Variants in DMD observed in about 807,000 individuals in gnomAD.
DMD encodes mutant dystrophin.
A neutral mutation model predicts 330.1 loss-of-function variants in DMD; 63 were observed. The observed-to-expected ratio is 0.19, with a 90% CI of 0.16 to 0.24. DMD has a LOEUF of 0.24. Ranked by LOEUF, DMD falls within the 10% of genes least tolerant of loss-of-function variation. The pLI is 1.00. For synonymous variants in DMD, 1,223 were observed against 959.8 expected, an observed-to-expected ratio of 1.27 and a Z score of -5.07; for missense variants, 3,344 against 2,684.1, an observed-to-expected ratio of 1.25 and a Z score of -5.43.
chrX:32,404,710 C>G (rs759168457), intron 30 of DMD, among the ~76,000 whole-genome samples: 23 of 111,451 alleles, frequency 2.1e-4, no homozygotes, highest in Admixed American at 4.8e-4. Context: ...GTGAAAGTAT[C>G]TTTGTAATTT....
intron 44 of DMD, among the ~76,000 whole-genome samples, chrX:32,148,874 G>A (rs2096791062): frequency 9.0e-6 from 1 of 111,488 alleles, no homozygotes; most frequent in African/African-American, 3.3e-5. Flanking sequence ...GCAATTTGAC[G>A]AATATAAATT....
chrX:31,139,025 T>A (rs143532354), intron 76 of DMD, among the ~76,000 whole-genome samples: 418 of 112,394 alleles, frequency 3.7e-3, no homozygotes, highest in Non-Finnish European at 5.6e-3. Flanking sequence ...GCACAGCCCT[T>A]ATCCCTACTT....
intron 48 of DMD, among the ~76,000 whole-genome samples, chrX:31,854,564 G>A (rs955831662): frequency 1.8e-5 from 2 of 111,401 alleles, no homozygotes; most frequent in Admixed American, 9.6e-5. Context: ...CTAGAGTCAC[G>A]AAAGGTCAGA....
At chrX:31,314,995 G>C (rs1423767637) in intron 62 of DMD, among the ~76,000 whole-genome samples, 1 of 110,857 alleles carries the variant, frequency 9.0e-6, no homozygotes, top group Non-Finnish European at 1.9e-5. Context: ...GGCAGTTCAG[G>C]GTTATTAAGT....
At position 31,134,085 on chromosome X, in the gene DMD, T is replaced by TA. The variant is rs1489629279; in HGVS notation, c.11014+16dup. 4 of 1,193,423 alleles carry TA rather than the reference T, an allele frequency of 3.4e-6. No homozygotes were observed. The highest frequency in any genetic ancestry group is 4.5e-6 in the Non-Finnish European group (4 of 880,597). Reference sequence around the variant, plus strand: ...GATCCCAGCAAATCTGAGTCCCTTCTAGGTATTGGAGCTTACCTCTTGAAC... The same window carrying TA: ...GATCCCAGCAAATCTGAGTCCCTTCTAAGGTATTGGAGCTTACCTCTTGAAC... On this transcript the variant is annotated intron_variant, in intron 77 of 78. Transcript: ENST00000357033.
chrX:32,761,766 G>A (rs1409215961), intron 7 of DMD, among the ~76,000 whole-genome samples: 1 of 111,446 alleles, frequency 9.0e-6, no homozygotes, highest in Non-Finnish European at 1.9e-5. Flanking sequence ...GTAGTAAGGT[G>A]TAGATCAAAC....
chrX:32,739,865 G>C (rs886788966), intron 7 of DMD, among the ~76,000 whole-genome samples: 1 of 110,275 alleles, frequency 9.1e-6, no homozygotes, highest in African/African-American at 3.3e-5. Context: ...AGAAACTCAG[G>C]GGGTGGATCC....
At chrX:32,976,097 T>G (rs889950034) in intron 2 of DMD, among the ~76,000 whole-genome samples, 6 of 111,254 alleles carry the variant, frequency 5.4e-5, no homozygotes, top group African/African-American at 2.0e-4. Context: ...GGCGCAAGCC[T>G]GTAATCCCAG....
At chrX:32,452,607 A>G (rs2098339123) in intron 26 of DMD, among the ~76,000 whole-genome samples, 1 of 110,600 alleles carries the variant, frequency 9.0e-6, no homozygotes, top group African/African-American at 3.3e-5. Context: ...AAATCATTTG[A>G]CCTATCTGGG....
chrX:31,913,916 T>C (rs932824641), intron 47 of DMD, among the ~76,000 whole-genome samples: 3 of 111,912 alleles, frequency 2.7e-5, no homozygotes, highest in African/African-American at 9.8e-5. Flanking sequence ...TCTTCTCTAA[T>C]AATTATCTAA....
intron 7 of DMD, among the ~76,000 whole-genome samples, chrX:32,807,850 T>C (rs1421263283): frequency 8.0e-5 from 9 of 111,906 alleles, no homozygotes; most frequent in Admixed American, 4.7e-4. Context: ...TATCTATTTT[T>C]AAATCTTCTC....
At chrX:32,638,907 A>G (rs139321376) in intron 11 of DMD, among the ~76,000 whole-genome samples, 1,289 of 111,366 alleles carry the variant, frequency 0.012, 23 homozygotes, top group African/African-American at 0.04. Flanking sequence ...AAAAAAAAAG[A>G]GATGAGCCAT....
At chrX:31,169,321 A>G in intron 74 of DMD, 122 bp downstream of exon 74, 1 of 552,197 alleles carries the variant, frequency 1.8e-6, no homozygotes, top group East Asian at 3.6e-5. Context: ...ATGGAGCTAA[A>G]CAGATTATTT....
intron 1 of DMD, among the ~76,000 whole-genome samples, chrX:33,111,851 T>C (rs1266563275): frequency 2.7e-5 from 3 of 111,091 alleles, no homozygotes; most frequent in Non-Finnish European, 5.6e-5. Flanking sequence ...CCTCAAGTGA[T>C]TCACCTGCCT....
intron 18 of DMD, among the ~76,000 whole-genome samples, chrX:32,510,705 T>C (rs1180666274): frequency 1.8e-5 from 2 of 111,349 alleles, no homozygotes; most frequent in African/African-American, 6.5e-5. Context: ...TCTAATAGCT[T>C]TATATAAAGT....
chrX:32,325,388 G>A (rs750010385), intron 41 of DMD, among the ~76,000 whole-genome samples: 214 of 111,469 alleles, frequency 1.9e-3, no homozygotes, highest in Middle Eastern at 9.2e-3. Flanking sequence ...AGATTTCAAG[G>A]TAAATTGAGT....
At chrX:33,174,034 CAAAAAAA>C (rs200540950) in intron 1 of DMD, among the ~76,000 whole-genome samples, 2 of 52,801 alleles carry the variant, frequency 3.8e-5, no homozygotes, top group African/African-American at 1.1e-4. Flanking sequence ...TTGGTAACTA[CAAAAAAA>C]AAAAAAAAAA....
chrX:32,999,867 A>G (rs1430870710), intron 2 of DMD, among the ~76,000 whole-genome samples: 2 of 112,713 alleles, frequency 1.8e-5, no homozygotes, highest in East Asian at 2.8e-4. Flanking sequence ...TGGTCTGTGC[A>G]TTTGACTTGA....
At chrX:32,684,020 C>CAT (rs1340774479) in intron 9 of DMD, among the ~76,000 whole-genome samples, 25 of 73,539 alleles carry the variant, frequency 3.4e-4, no homozygotes, top group South Asian at 1.6e-3. Flanking sequence ...CACATACATA[C>CAT]ACACACACAC....
Sources: gnomAD v4.1 joint callset for allele counts (sites outside exome capture counted in the v4.1 genomes callset) on GRCh38, gnomAD v4.1.1 for gene constraint, MANE v1.5 for transcripts, NCBI Gene and HGNC (gene_info 2026-07-23, HGNC 2026-07-21) for gene names.